Variants in SNTB1 observed in about 807,000 individuals in gnomAD.
SNTB1 encodes beta-1-syntrophin.
SNTB1 carries 36 observed loss-of-function variants against 48.9 expected under a neutral mutation model. The observed-to-expected ratio is 0.74, with a 90% CI of 0.56 to 0.97. SNTB1 has a LOEUF of 0.97. SNTB1 is among the 50% of genes least tolerant of loss of function. The probability of loss-of-function intolerance (pLI) is 0.00; values close to 1 mark genes in which losing one functional copy is unlikely to be tolerated. For synonymous variants in SNTB1, 299 were observed against 294.6 expected, an observed-to-expected ratio of 1.01 and a Z score of -0.15; for missense variants, 786 against 703.4, an observed-to-expected ratio of 1.12 and a Z score of -1.33.
intron 1 of SNTB1, among the ~76,000 whole-genome samples, chr8:120,788,627 C>T (rs1218139388): frequency 6.6e-6 from 1 of 151,820 alleles, no homozygotes; most frequent in African/African-American, 2.4e-5. Context: ...GCAAAAACAG[C>T]ACAAGGAAAA....
intron 1 of SNTB1, among the ~76,000 whole-genome samples, chr8:120,756,719 C>T (rs1381159736): frequency 1.3e-5 from 2 of 152,170 alleles, no homozygotes; most frequent in African/African-American, 4.8e-5. Flanking sequence ...AATTAACGTT[C>T]TAATTCCCTA....
chr8:120,566,215 G>A (rs767789282), intron 4 of SNTB1, among the ~76,000 whole-genome samples: 1 of 151,544 alleles, frequency 6.6e-6, no homozygotes, highest in African/African-American at 2.4e-5. Context: ...TGTAGTCCTA[G>A]CTACTTGGGA....
At chr8:120,636,705 G>A (rs968387592) in intron 2 of SNTB1, among the ~76,000 whole-genome samples, 3 of 151,290 alleles carry the variant, frequency 2.0e-5, no homozygotes, top group Admixed American at 6.6e-5. Context: ...ATAAACATAC[G>A]TGTGCATGTG....
At chr8:120,764,067 T>C (rs1169570704) in intron 1 of SNTB1, among the ~76,000 whole-genome samples, 1 of 152,228 alleles carries the variant, frequency 6.6e-6, no homozygotes, top group Non-Finnish European at 1.5e-5. Context: ...TGACTCAGAA[T>C]AAATTCTAAT....
intron 1 of SNTB1, among the ~76,000 whole-genome samples, chr8:120,761,776 T>A (rs761743594): frequency 6.6e-6 from 1 of 152,210 alleles, no homozygotes; most frequent in Non-Finnish European, 1.5e-5. Flanking sequence ...TCTTACACTA[T>A]GGTACAAGTT....
At chr8:120,779,270 C>T (rs958156882) in intron 1 of SNTB1, among the ~76,000 whole-genome samples, 9 of 152,032 alleles carry the variant, frequency 5.9e-5, no homozygotes, top group African/African-American at 9.7e-5. Flanking sequence ...TTTGGGAGGT[C>T]GAGGTAGGCA....
chr8:120,779,740 A>G (rs904951583), intron 1 of SNTB1, among the ~76,000 whole-genome samples: 1 of 152,162 alleles, frequency 6.6e-6, no homozygotes, highest in African/African-American at 2.4e-5. Context: ...TTGTGTTAAT[A>G]GATAAAACAT....
intron 2 of SNTB1, among the ~76,000 whole-genome samples, chr8:120,670,775 T>C (rs1251014318): frequency 6.6e-6 from 1 of 152,148 alleles, no homozygotes. Flanking sequence ...AAGCTCTGGG[T>C]TTGAGTCTCA....
chr8:120,606,203 T>A (rs1459240047), intron 3 of SNTB1, among the ~76,000 whole-genome samples: 1 of 144,992 alleles, frequency 6.9e-6, no homozygotes, highest in Non-Finnish European at 1.5e-5. Flanking sequence ...TCATATGTTA[T>A]ATGATATGGA....
At chr8:120,725,170 G>A (rs1215262397) in intron 1 of SNTB1, among the ~76,000 whole-genome samples, 5 of 152,204 alleles carry the variant, frequency 3.3e-5, no homozygotes, top group Admixed American at 6.5e-5. Context: ...GAGGATGGGC[G>A]AGGTGAGGGG....
At chr8:120,587,504 C>T (rs551852305) in intron 3 of SNTB1, among the ~76,000 whole-genome samples, 2 of 152,278 alleles carry the variant, frequency 1.3e-5, no homozygotes, top group South Asian at 2.1e-4. Context: ...CTTTGTGTAT[C>T]ATGGTTCCAT....
At chr8:120,620,325 T>C (rs1272152533) in intron 3 of SNTB1, among the ~76,000 whole-genome samples, 2 of 152,184 alleles carry the variant, frequency 1.3e-5, no homozygotes, top group African/African-American at 4.8e-5. Context: ...TCTTTTGCAG[T>C]AGGTATTAAT....
At chr8:120,589,681 T>A (rs902135855) in intron 3 of SNTB1, among the ~76,000 whole-genome samples, 1 of 152,132 alleles carries the variant, frequency 6.6e-6, no homozygotes, top group African/African-American at 2.4e-5. Context: ...TGGAAGGAGC[T>A]AGCTAGCTCT....
chr8:120,653,772 G>T (rs7461236), intron 2 of SNTB1, among the ~76,000 whole-genome samples: 61,067 of 151,676 alleles, frequency 0.4, 13,384 homozygotes, highest in Non-Finnish European at 0.49. Context: ...GGGTGCTGTG[G>T]CTCACGCCTG....
At chr8:120,696,076 C>T (rs1818206540) in intron 1 of SNTB1, among the ~76,000 whole-genome samples, 2 of 152,100 alleles carry the variant, frequency 1.3e-5, no homozygotes, top group Non-Finnish European at 2.9e-5. Context: ...TAAACTTTTT[C>T]ATCTGTGAAA....
rs557527967 is a variant in SNTB1, at chr8:120,620,919, C to A, written c.996+11525G>T. The stretch of plus-strand genomic sequence containing the variant: ...CCTCCATCCTTCCCTCTCTTCCTCC[C>A]TCCCTCTCTCTCTTCTTCCCTCTCT... On this transcript the variant is annotated intron_variant, in intron 3 of 6. Transcript: ENST00000517992. Among the ~76,000 whole-genome samples, 8 of 149,074 alleles carry A rather than the reference C, an allele frequency of 5.4e-5. No individual in the cohort carries two copies. In the East Asian group the frequency reaches 1.6e-3, roughly 29 times the overall value.
intron 2 of SNTB1, among the ~76,000 whole-genome samples, chr8:120,690,951 T>C (rs1818115082): frequency 6.6e-6 from 1 of 152,248 alleles, no homozygotes; most frequent in African/African-American, 2.4e-5. Flanking sequence ...TCATGTTTGA[T>C]TCTGCCCTGC....
chr8:120,585,733 C>A (rs1816128749), intron 3 of SNTB1, among the ~76,000 whole-genome samples: 1 of 69,364 alleles, frequency 1.4e-5, no homozygotes. Context: ...TTTAGCAAAT[C>A]CTGTTTTTTT....
chr8:120,643,449 A>T (rs1348883449), intron 2 of SNTB1, among the ~76,000 whole-genome samples: 1 of 152,146 alleles, frequency 6.6e-6, no homozygotes, highest in Admixed American at 6.5e-5. Flanking sequence ...GAGTCCCCAG[A>T]GTGCATTATA....
Sources: gnomAD v4.1 joint callset for allele counts (sites outside exome capture counted in the v4.1 genomes callset) on GRCh38, gnomAD v4.1.1 for gene constraint, MANE v1.5 for transcripts, NCBI Gene and HGNC (gene_info 2026-07-23, HGNC 2026-07-21) for gene names.